The following ZRANB3 variants were observed in gnomAD, a reference collection of about 807,000 sequenced individuals.
The protein encoded by ZRANB3 is zinc finger RANBP2-type containing 3.
A neutral mutation model predicts 133.8 loss-of-function variants in ZRANB3; 125 were observed. The observed-to-expected ratio is 0.93, with a 90% confidence interval of 0.81 to 1.08. The LOEUF (loss-of-function observed/expected upper bound fraction) is 1.08. Among genes scored for constraint, ZRANB3 ranks in the 50% least tolerant of loss-of-function variants. The pLI, the probability that ZRANB3 is intolerant of heterozygous loss-of-function variation, is 0.00. For missense variants in ZRANB3, 1,229 were observed against 1,275.5 expected, an observed-to-expected ratio of 0.96 and a Z score of 0.56; for synonymous variants, 387 against 432.7, an observed-to-expected ratio of 0.89 and a Z score of 1.31.
intron 12 of ZRANB3, among the ~76,000 whole-genome samples, chr2:135,259,938 C>A (rs930879978): frequency 2.0e-5 from 3 of 151,792 alleles, no homozygotes; most frequent in African/African-American, 4.8e-5. Context: ...GAGAAAGGAG[C>A]AAAAGAGGAA....
intron 8 of ZRANB3, among the ~76,000 whole-genome samples, chr2:135,299,456 C>T (rs1029728793): frequency 2.6e-5 from 4 of 152,178 alleles, no homozygotes; most frequent in African/African-American, 9.6e-5. Context: ...ATCTGCACTT[C>T]CCATTCTCCT....
At chr2:135,454,375 G>C (rs1055792091) in intron 2 of ZRANB3, among the ~76,000 whole-genome samples, 5 of 151,946 alleles carry the variant, frequency 3.3e-5, no homozygotes, top group Non-Finnish European at 5.9e-5. Flanking sequence ...ATAGTGACCA[G>C]GCTCTCATTA....
chr2:135,342,047 A>G (rs1337140640), intron 6 of ZRANB3, among the ~76,000 whole-genome samples: 2 of 149,960 alleles, frequency 1.3e-5, no homozygotes, highest in South Asian at 2.1e-4. Flanking sequence ...TGTGACCCAC[A>G]GCCTATTCGT....
intron 14 of ZRANB3, among the ~76,000 whole-genome samples, chr2:135,226,740 T>G (rs1694774712): frequency 6.6e-6 from 1 of 152,174 alleles, no homozygotes; most frequent in Non-Finnish European, 1.5e-5. Flanking sequence ...AGTCTCATAT[T>G]TAGTTCACTG....
chr2:135,280,293 C>T (rs965423456), intron 8 of ZRANB3, among the ~76,000 whole-genome samples: 3 of 152,066 alleles, frequency 2.0e-5, no homozygotes, highest in Admixed American at 6.6e-5. Flanking sequence ...GCAGGCCAGG[C>T]GTGGGGGCTC....
intron 14 of ZRANB3, among the ~76,000 whole-genome samples, chr2:135,226,916 C>A (rs967189119): frequency 6.6e-6 from 1 of 152,182 alleles, no homozygotes; most frequent in Non-Finnish European, 1.5e-5. Flanking sequence ...CCAAGACATG[C>A]TTTGGGAAGA....
In ZRANB3 at chr2:135,489,764, C is replaced by CA. The variant is rs564471565; in HGVS notation, c.161+14564dup. Among the ~76,000 whole-genome samples the CA allele has an allele frequency of 6.1e-5, 9 of 147,316 alleles. No homozygotes were observed. The South Asian group carries it at 6.4e-4, about 10-fold the overall frequency. ...AGGAAATTTTCAAAAAGAATTTAAA[C>CA]AAAAAAAAGGGTTTTGGAGAAAAAA... On this transcript the variant is annotated intron_variant, in intron 2 of 20. Transcript: ENST00000264159.
At chr2:135,253,099 C>A (rs1335318858) in intron 12 of ZRANB3, among the ~76,000 whole-genome samples, 2 of 152,160 alleles carry the variant, frequency 1.3e-5, no homozygotes, top group Non-Finnish European at 2.9e-5. Flanking sequence ...ATTAGTAGAC[C>A]TGTAAGTGCC....
At chr2:135,314,887 T>A (rs1021080206) in intron 7 of ZRANB3, among the ~76,000 whole-genome samples, 1 of 151,958 alleles carries the variant, frequency 6.6e-6, no homozygotes, top group African/African-American at 2.4e-5. Context: ...GTAGCTGGGA[T>A]TACGGGCACT....
chr2:135,221,559 G>C (rs994298695), intron 15 of ZRANB3, among the ~76,000 whole-genome samples: 21 of 152,192 alleles, frequency 1.4e-4, no homozygotes, highest in African/African-American at 4.6e-4. Flanking sequence ...AAAGATTAAA[G>C]AATTTAAGGG....
intron 2 of ZRANB3, among the ~76,000 whole-genome samples, chr2:135,490,077 C>A (rs1291379251): frequency 1.3e-5 from 2 of 152,128 alleles, no homozygotes; most frequent in Admixed American, 1.3e-4. Flanking sequence ...AAATTGATCA[C>A]TTCTAAGTAG....
At chr2:135,381,713 C>T (rs1001220736) in intron 3 of ZRANB3, among the ~76,000 whole-genome samples, 1 of 152,190 alleles carries the variant, frequency 6.6e-6, no homozygotes, top group East Asian at 1.9e-4. Context: ...GCAGACTCCG[C>T]TGGTGATACC....
At chr2:135,295,014 T>C (rs998364772) in intron 8 of ZRANB3, among the ~76,000 whole-genome samples, 1 of 152,192 alleles carries the variant, frequency 6.6e-6, no homozygotes, top group Non-Finnish European at 1.5e-5. Context: ...GCTTTACTTC[T>C]AACTATGTGG....
intron 15 of ZRANB3, among the ~76,000 whole-genome samples, chr2:135,220,315 G>C (rs1022751998): frequency 6.6e-6 from 1 of 150,460 alleles, no homozygotes; most frequent in African/African-American, 2.4e-5. Flanking sequence ...ATCAACAATA[G>C]TTGAACTCAT....
At chr2:135,283,128 T>C (rs1313636980) in intron 8 of ZRANB3, among the ~76,000 whole-genome samples, 1 of 151,058 alleles carries the variant, frequency 6.6e-6, no homozygotes, top group Non-Finnish European at 1.5e-5. Flanking sequence ...CTACAAAAAA[T>C]TTAAAAATTA....
At chr2:135,314,659 A>T (rs1157873046) in intron 7 of ZRANB3, among the ~76,000 whole-genome samples, 1 of 152,182 alleles carries the variant, frequency 6.6e-6, no homozygotes, top group Non-Finnish European at 1.5e-5. Flanking sequence ...GTTTTTCTAG[A>T]AGAGAGTTAT....
intron 15 of ZRANB3, among the ~76,000 whole-genome samples, chr2:135,219,954 CTCAACG>C (rs1001348469): frequency 1.3e-5 from 2 of 152,068 alleles, no homozygotes; most frequent in Non-Finnish European, 2.9e-5. Context: ...TCACTGCAGC[CTCAACG>C]TCCTGGGCCC....
chr2:135,249,064 A>G (rs1679227066), intron 12 of ZRANB3, among the ~76,000 whole-genome samples: 1 of 152,250 alleles, frequency 6.6e-6, no homozygotes, highest in Non-Finnish European at 1.5e-5. Context: ...ATCTCACACC[A>G]GTCAGAATGG....
chr2:135,219,644 A>G (rs966296858), intron 15 of ZRANB3, among the ~76,000 whole-genome samples: 3 of 152,256 alleles, frequency 2.0e-5, no homozygotes, highest in Admixed American at 2.0e-4. Flanking sequence ...GTATCAAGGA[A>G]TAGTCTTAAT....
Sources: allele counts gnomAD v4.1 joint callset (sites outside exome capture counted in the v4.1 genomes callset), GRCh38; gene constraint gnomAD v4.1.1; transcripts MANE v1.5; gene names NCBI Gene and HGNC (gene_info 2026-07-23, HGNC 2026-07-21).